The following TRPM3 variants were observed in gnomAD, a reference collection of about 807,000 sequenced individuals.
TRPM3 encodes long transient receptor potential channel 3.
TRPM3 carries 77 observed loss-of-function variants against 181.2 expected under a neutral mutation model. The observed-to-expected ratio is 0.42, with a 90% confidence interval of 0.35 to 0.51. The LOEUF is 0.51. Among genes scored for constraint, TRPM3 ranks in the 20% least tolerant of loss-of-function variants. The probability of loss-of-function intolerance (pLI) is 0.01; values close to 1 mark genes in which losing one functional copy is unlikely to be tolerated. For missense variants in TRPM3, 1,759 were observed against 2,196.7 expected, an observed-to-expected ratio of 0.80 and a Z score of 3.98; for synonymous variants, 745 against 796.4, an observed-to-expected ratio of 0.94 and a Z score of 1.09.
intron 1 of TRPM3, among the ~76,000 whole-genome samples, chr9:71,112,486 G>A (rs906650169): frequency 5.9e-5 from 9 of 151,956 alleles, no homozygotes; most frequent in Non-Finnish European, 1.0e-4. Flanking sequence ...TCATCTCAAG[G>A]TCAAGGTATT....
At chr9:71,348,794 C>T (rs2132651998) in intron 1 of TRPM3, among the ~76,000 whole-genome samples, 1 of 152,118 alleles carries the variant, frequency 6.6e-6, no homozygotes, top group Admixed American at 6.5e-5. Context: ...TGGTCTCAAA[C>T]TCCCGGCCTC....
At chr9:70,593,944 T>C (rs2058561615) in intron 21 of TRPM3, among the ~76,000 whole-genome samples, 1 of 147,266 alleles carries the variant, frequency 6.8e-6, no homozygotes, top group Non-Finnish European at 1.5e-5. Context: ...ATATATAATA[T>C]ATAATGTGTA....
rs918320439 is a variant in TRPM3, at chr9:70,625,511, A to T, written c.1639T>A (p.Tyr547Asn). Residue 547 changes from tyrosine to asparagine, a missense_variant, in exon 13 of 26, where the codon TAT becomes AAT. Around this residue, in one of 8 missense-constraint regions of TRPM3, gnomAD observed 737 missense variants for 957.4 expected, o/e 0.77. Coordinates refer to ENST00000677713, the MANE Select transcript of TRPM3 (RefSeq NM_001366145.2). The surrounding 1 kb of genome is among the most constrained non-coding windows in gnomAD (Gnocchi z 4.8). ...HLVRDVKKREYPGFGWIYFKG... is the reference protein window; with the variant it reads ...HLVRDVKKRENPGFGWIYFKG... ...AAATAGATCCAACCGAAACCTGGATACTCTCGCTTGGAAAGAAGACATAAG... is the reference window on the plus strand; with the variant it reads ...AAATAGATCCAACCGAAACCTGGATTCTCTCGCTTGGAAAGAAGACATAAG... The T allele has an allele frequency of 2.5e-6, 4 of 1,612,600 alleles. No individual in the cohort carries two copies. The highest frequency in any genetic ancestry group is 2.5e-6 in the Non-Finnish European group (3 of 1,179,566).
intron 1 of TRPM3, among the ~76,000 whole-genome samples, chr9:71,191,443 T>C (rs2135002529): frequency 6.6e-6 from 1 of 151,972 alleles, no homozygotes. Flanking sequence ...TCCTAGCTCA[T>C]GGTCTGTGCT....
intron 1 of TRPM3, among the ~76,000 whole-genome samples, chr9:70,915,590 C>T (rs867363411): frequency 1.8e-4 from 28 of 151,884 alleles, no homozygotes; most frequent in Admixed American, 1.4e-3. Flanking sequence ...CAGGCATGAG[C>T]CACCACGCCT....
chr9:71,105,348 T>C (rs1186403557), intron 1 of TRPM3, among the ~76,000 whole-genome samples: 2 of 152,140 alleles, frequency 1.3e-5, no homozygotes, highest in Non-Finnish European at 2.9e-5. Flanking sequence ...GGTTATTATC[T>C]TCCCAAGTCC....
At chr9:70,599,560 T>C (rs2059540242) in intron 20 of TRPM3, among the ~76,000 whole-genome samples, 2 of 152,204 alleles carry the variant, frequency 1.3e-5, no homozygotes, top group African/African-American at 4.8e-5. Context: ...CCTGCAGCCA[T>C]ACTGGTCATC....
chr9:71,188,623 A>G (rs988822995), intron 1 of TRPM3, among the ~76,000 whole-genome samples: 5 of 151,846 alleles, frequency 3.3e-5, no homozygotes, highest in Non-Finnish European at 7.4e-5. Flanking sequence ...GGAGCTGGGG[A>G]AAGAGTTCAT....
chr9:70,877,846 G>C (rs1422243245), intron 1 of TRPM3, among the ~76,000 whole-genome samples: 1 of 95,092 alleles, frequency 1.1e-5, no homozygotes, highest in Non-Finnish European at 2.2e-5. Context: ...TGAAATTCCT[G>C]GCTCTGGGAA....
At chr9:71,424,546 T>A (rs1485804316) in intron 1 of TRPM3, among the ~76,000 whole-genome samples, 1 of 152,124 alleles carries the variant, frequency 6.6e-6, no homozygotes, top group Non-Finnish European at 1.5e-5. Context: ...GTTGCAAATA[T>A]TACTGACAAT....
intron 3 of TRPM3, among the ~76,000 whole-genome samples, chr9:70,854,910 C>T (rs78300244): frequency 0.017 from 2,597 of 152,254 alleles, 80 homozygotes; most frequent in African/African-American, 0.058. Context: ...GCATGATTTT[C>T]ATGAGAAAAT....
intron 22 of TRPM3, among the ~76,000 whole-genome samples, chr9:70,579,767 C>A (rs2132321003): frequency 6.6e-6 from 1 of 152,336 alleles, no homozygotes; most frequent in East Asian, 1.9e-4. Flanking sequence ...TGTTTGGAGG[C>A]AAACTGGGCA....
intron 5 of TRPM3, among the ~76,000 whole-genome samples, chr9:70,840,586 T>C (rs2094573454): frequency 1.3e-5 from 2 of 151,480 alleles, no homozygotes; most frequent in African/African-American, 4.9e-5. Flanking sequence ...TCTAGTTGCA[T>C]ACAACCAAGA....
chr9:71,225,486 T>C (rs1249519926), intron 1 of TRPM3, among the ~76,000 whole-genome samples: 3 of 151,916 alleles, frequency 2.0e-5, no homozygotes, highest in Non-Finnish European at 4.4e-5. Flanking sequence ...CTAAAGAAAG[T>C]AGTTCAATCA....
At chr9:70,969,062 G>A (rs765646893) in intron 1 of TRPM3, among the ~76,000 whole-genome samples, 11 of 151,990 alleles carry the variant, frequency 7.2e-5, no homozygotes, top group Non-Finnish European at 1.2e-4. Flanking sequence ...AACTATCATC[G>A]GACTGATGAG....
intron 21 of TRPM3, 46 bp from the exon 22 acceptor site, chr9:70,591,251 T>A: frequency 6.5e-7 from 1 of 1,528,730 alleles, no homozygotes; most frequent in Non-Finnish European, 9.1e-7. Flanking sequence ...AAAACCCATA[T>A]GATTGAGTGT....
intron 20 of TRPM3, among the ~76,000 whole-genome samples, chr9:70,602,626 G>A (rs967583388): frequency 6.6e-6 from 1 of 152,200 alleles, no homozygotes; most frequent in Admixed American, 6.5e-5. Context: ...TGAACATTGA[G>A]TGGGGCTGCA....
At chr9:70,559,909 C>T (rs144447703) in intron 22 of TRPM3, among the ~76,000 whole-genome samples, 44 of 152,176 alleles carry the variant, frequency 2.9e-4, no homozygotes, top group African/African-American at 1.0e-3. Flanking sequence ...TGTGGAATTC[C>T]CCCACATACA....
intron 1 of TRPM3, among the ~76,000 whole-genome samples, chr9:71,337,869 G>A (rs1367121429): frequency 6.6e-6 from 1 of 152,098 alleles, no homozygotes; most frequent in Non-Finnish European, 1.5e-5. Flanking sequence ...ACTCATAAGT[G>A]GGAGTTGAAC....
Sources: allele counts gnomAD v4.1 joint callset (sites outside exome capture counted in the v4.1 genomes callset), GRCh38; gene constraint gnomAD v4.1.1; regional missense constraint gnomAD v4.1.1; non-coding constraint Gnocchi (gnomAD v3.1); transcripts MANE v1.5; gene names NCBI Gene and HGNC (gene_info 2026-07-23, HGNC 2026-07-21).